The following SLC36A1 variants were observed in gnomAD, a reference collection of about 807,000 sequenced individuals.
SLC36A1 encodes the protein proton-coupled amino acid transporter 1.
In SLC36A1, 30 loss-of-function variants were observed where a neutral mutation model predicts 47.5. That is an observed-to-expected ratio of 0.63 (90% confidence interval 0.47 to 0.86). The LOEUF is 0.86. Among genes scored for constraint, SLC36A1 ranks in the 40% least tolerant of loss-of-function variants. SLC36A1 has a pLI of 0.00. For synonymous variants in SLC36A1, 255 were observed against 249.7 expected (o/e 1.02, Z -0.20); for missense variants, 517 against 606.0 (o/e 0.85, Z 1.54).
chr5:151,540,303 G>T, the SLC36A1 span, among the ~76,000 whole-genome samples: 1 of 152,080 alleles, frequency 6.6e-6, no homozygotes, highest in African/African-American at 2.4e-5. Context: ...GAGAGGTGAG[G>T]TCAGTGATGG....
At chr5:151,543,793 T>G in the SLC36A1 span, 2 of 1,614,208 alleles carry the variant, frequency 1.2e-6, no homozygotes, top group Non-Finnish European at 1.7e-6. Context: ...AGAGTCCAGG[T>G]GCTTTTTGCA....
the SLC36A1 span, among the ~76,000 whole-genome samples, chr5:151,532,779 G>A: frequency 1.6e-4 from 24 of 152,280 alleles, no homozygotes; most frequent in African/African-American, 4.3e-4. Context: ...TTTAAGGCTC[G>A]GCTGTGAGGT....
At chr5:151,516,289 C>T in the SLC36A1 span, among the ~76,000 whole-genome samples, 18 of 152,166 alleles carry the variant, frequency 1.2e-4, no homozygotes, top group Non-Finnish European at 2.1e-4. Flanking sequence ...GTGGGTGGAT[C>T]GCTTGAGGCC....
At chr5:151,525,968 G>T in the SLC36A1 span, 119 of 1,613,706 alleles carry the variant, frequency 7.4e-5, no homozygotes, top group Non-Finnish European at 9.5e-5. Flanking sequence ...GAGTTCTCCT[G>T]AGACCGAGAG....
chr5:151,388,501 C>CAGAAA, the SLC36A1 span, among the ~76,000 whole-genome samples: 1 of 90,778 alleles, frequency 1.1e-5, no homozygotes, highest in Admixed American at 1.1e-4. Flanking sequence ...AACTCCATCT[C>CAGAAA]AAAAGAAAAA....
intron 7 of SLC36A1, among the ~76,000 whole-genome samples, chr5:151,468,266 A>AAAAAAAAAATATAT (rs55642458): frequency 1.6e-5 from 1 of 63,830 alleles, no homozygotes; most frequent in African/African-American, 8.8e-5. Flanking sequence ...AAAAAAAAAA[A>AAAAAAAAAATATAT]ATATATATAT....
At chr5:151,346,995 T>C in the SLC36A1 span, among the ~76,000 whole-genome samples, 4 of 152,200 alleles carry the variant, frequency 2.6e-5, no homozygotes, top group Non-Finnish European at 5.9e-5. Flanking sequence ...AAAATGTGGC[T>C]TTAGGGCCAG....
chr5:151,551,445 G>T, the SLC36A1 span: 1 of 1,612,274 alleles, frequency 6.2e-7, no homozygotes, highest in Non-Finnish European at 8.5e-7. Context: ...CAATACAGGG[G>T]TCCCCAGCCG....
At chr5:151,455,218 C>T (rs1032780600) in intron 1 of SLC36A1, among the ~76,000 whole-genome samples, 55 of 152,026 alleles carry the variant, frequency 3.6e-4, no homozygotes, top group Non-Finnish European at 4.7e-4. Context: ...TGGATGGAGC[C>T]GATGTCTACC....
chr5:151,360,849 A>T, the SLC36A1 span, among the ~76,000 whole-genome samples: 1 of 152,076 alleles, frequency 6.6e-6, no homozygotes, highest in African/African-American at 2.4e-5. Context: ...ACTCATCTCC[A>T]TCCAGTCATC....
At chr5:151,454,047 G>A (rs920836822) in intron 1 of SLC36A1, among the ~76,000 whole-genome samples, 43 of 142,266 alleles carry the variant, frequency 3.0e-4, no homozygotes, top group Middle Eastern at 3.8e-3. Context: ...GTTACATAAG[G>A]AAAAAAAAGG....
chr5:151,465,461 C>A (rs1174464158), intron 5 of SLC36A1, among the ~76,000 whole-genome samples: 1 of 152,160 alleles, frequency 6.6e-6, no homozygotes, highest in Non-Finnish European at 1.5e-5. Flanking sequence ...TTGATTCACT[C>A]ATTTGTTCAA....
the SLC36A1 span, among the ~76,000 whole-genome samples, chr5:151,355,816 G>T: frequency 2.0e-5 from 3 of 152,098 alleles, no homozygotes; most frequent in Admixed American, 2.0e-4. Flanking sequence ...ATCTCCAACT[G>T]CAAGAACCCA....
the SLC36A1 span, among the ~76,000 whole-genome samples, chr5:151,517,323 A>G: frequency 1.3e-5 from 2 of 152,206 alleles, no homozygotes; most frequent in Non-Finnish European, 2.9e-5. Flanking sequence ...CCTATTACTC[A>G]GCAAAAATGA....
the SLC36A1 span, among the ~76,000 whole-genome samples, chr5:151,418,098 A>G: frequency 7.2e-5 from 11 of 152,268 alleles, no homozygotes; most frequent in Non-Finnish European, 1.0e-4. Context: ...ACAGAAGTCA[A>G]GAACTGAGGT....
the SLC36A1 span, chr5:151,366,497 T>C: frequency 3.2e-6 from 1 of 307,770 alleles, no homozygotes; most frequent in Non-Finnish European, 6.6e-6. Context: ...CCCAGGATGC[T>C]GATCAGGGCG....
intron 1 of SLC36A1, among the ~76,000 whole-genome samples, chr5:151,458,056 C>G (rs891397245): frequency 1.3e-5 from 2 of 151,708 alleles, no homozygotes; most frequent in African/African-American, 2.4e-5. Context: ...CCATGTTACT[C>G]AGGCTGGTCT....
chr5:151,499,622 T>C, the SLC36A1 span, among the ~76,000 whole-genome samples: 2 of 152,090 alleles, frequency 1.3e-5, no homozygotes, highest in Non-Finnish European at 2.9e-5. Flanking sequence ...TCTAGCCCAG[T>C]CCTCATGCCT....
intron 9 of SLC36A1, chr5:151,477,501 T>G (rs165354): frequency 0.15 from 22,394 of 152,408 alleles, 2,009 homozygotes; most frequent in Non-Finnish European, 0.21. Flanking sequence ...CCCGTTCAAG[T>G]ACGAACCAGG....
Sources: gnomAD v4.1 joint callset for allele counts (sites outside exome capture counted in the v4.1 genomes callset) on GRCh38, gnomAD v4.1.1 for gene constraint, MANE v1.5 for transcripts, NCBI Gene and HGNC (gene_info 2026-07-23, HGNC 2026-07-21) for gene names.